Variants in C19orf47 observed in about 807,000 individuals in gnomAD.
C19orf47 encodes the protein uncharacterized protein C19orf47.
Under a neutral mutation model 32.3 loss-of-function variants are expected in C19orf47, and 18 were observed. The observed-to-expected ratio is 0.56, with a 90% confidence interval of 0.39 to 0.83. The LOEUF (loss-of-function observed/expected upper bound fraction) is 0.83, where lower values mean the gene tolerates loss of function less well. Among genes scored for constraint, C19orf47 ranks in the 40% least tolerant of loss-of-function variants. The pLI is 0.00. For synonymous variants in C19orf47, 202 were observed against 211.1 expected (o/e 0.96, Z 0.37); for missense variants, 484 against 531.6 (o/e 0.91, Z 0.88).
intron 8 of C19orf47, 126 bp from the exon 9 acceptor site, chr19:40,322,502 CCA>C (rs2077742118): frequency 8.3e-7 from 1 of 1,205,958 alleles, no homozygotes; most frequent in East Asian, 2.6e-5. Context: ...CACTGACACC[CCA>C]GATAGTGGCG....
the C19orf47 span, among the ~76,000 whole-genome samples, chr19:40,306,445 C>T: frequency 6.6e-6 from 1 of 152,138 alleles, no homozygotes; most frequent in South Asian, 2.1e-4. Flanking sequence ...CTCTGCTGCC[C>T]AGGCTGGAGC....
chr19:40,322,171 G>C lies in C19orf47; in HGVS notation c.869C>G (p.Pro290Arg), dbSNP rs370321945. 1.9e-6 allele frequency: 3 copies of C among 1,612,540 alleles called. No homozygotes were observed. Among genetic ancestry groups the C allele is most frequent in the African/African-American group, 1.3e-5 (1 of 75,048 alleles). Residue 290 changes from proline to arginine, a missense_variant, in exon 9 of 9, where the codon CCG (proline) becomes CGG (arginine). Coordinates refer to ENST00000683109, the MANE Select transcript of C19orf47 (RefSeq NM_001256441.2). ...ATSSATTAAA[P>R]TLRRLALSSR... ...GGAAAGCGCCAGGCGCCGCAGTGTC[G>C]GGGCAGCAGCCGTTGTCGCTGAGCT...
chr19:40,306,507 A>G, the C19orf47 span, among the ~76,000 whole-genome samples: 1 of 150,784 alleles, frequency 6.6e-6, no homozygotes, highest in Non-Finnish European at 1.5e-5. Flanking sequence ...GGTTCAGGCG[A>G]TTCTCCTGCC....
intron 1 of C19orf47, 35 bp downstream of exon 1, chr19:40,348,289 C>T (rs2078370059): frequency 3.8e-6 from 5 of 1,303,382 alleles, no homozygotes; most frequent in Non-Finnish European, 4.9e-6. Context: ...CTACCGCAAC[C>T]GGCCCAGTCC....
At position 40,319,744 on chromosome 19, in the gene C19orf47, G is replaced by C. The variant is rs2077690428; in HGVS notation, c.*2138C>G. On this transcript the variant is annotated 3_prime_UTR_variant, in exon 9 of 9. Coordinates refer to ENST00000683109, the MANE Select transcript of C19orf47 (RefSeq NM_001256441.2). ...GTAGAGACGGGGTTTCACCATCTTG[G>C]CCAGGCTGGTCTCGAACTCCTGACC... 1 of 153,338 alleles carries C rather than the reference G, an allele frequency of 6.5e-6. No homozygotes were observed. The highest frequency in any genetic ancestry group is 2.1e-4 in the South Asian group (1 of 4,816). The allele number at this position is 153,338 out of a possible 1,614,324, so 9.5% of individuals were successfully genotyped here.
chr19:40,329,272 C>T (rs753991295), intron 5 of C19orf47, among the ~76,000 whole-genome samples: 22 of 152,028 alleles, frequency 1.4e-4, no homozygotes, highest in Admixed American at 4.6e-4. Context: ...CTTTGGGAGG[C>T]CTAGGGGGAT....
chr19:40,344,123 T>A (rs1476537736), intron 1 of C19orf47, among the ~76,000 whole-genome samples: 2 of 151,384 alleles, frequency 1.3e-5, no homozygotes, highest in Non-Finnish European at 2.9e-5. Context: ...ACCACAGACA[T>A]CACTCTGTCC....
At chr19:40,302,151 A>G in the C19orf47 span, among the ~76,000 whole-genome samples, 2 of 152,066 alleles carry the variant, frequency 1.3e-5, no homozygotes, top group Non-Finnish European at 2.9e-5. Flanking sequence ...ACAGAACAAG[A>G]CTCCATCTCC....
chr19:40,309,339 C>G, the C19orf47 span, among the ~76,000 whole-genome samples: 3 of 152,128 alleles, frequency 2.0e-5, no homozygotes, highest in South Asian at 6.2e-4. Context: ...CAGGCATGCG[C>G]CACCACTCCT....
chr19:40,322,992 C>G (rs531925187), intron 8 of C19orf47, among the ~76,000 whole-genome samples: 1 of 152,324 alleles, frequency 6.6e-6, no homozygotes, highest in Admixed American at 6.5e-5. Context: ...CCCTGAGGCA[C>G]CAACTTTGAA....
chr19:40,337,554 T>C (rs868292184), intron 2 of C19orf47, among the ~76,000 whole-genome samples: 3 of 152,140 alleles, frequency 2.0e-5, no homozygotes, highest in Admixed American at 1.3e-4. Context: ...CAGTGTGCCA[T>C]AGTTTAATTA....
the C19orf47 span, among the ~76,000 whole-genome samples, chr19:40,304,408 A>G: frequency 6.6e-6 from 1 of 152,282 alleles, no homozygotes; most frequent in East Asian, 1.9e-4. Flanking sequence ...CTCCCCAGGA[A>G]TCTTCTCAAT....
At chr19:40,294,257 G>T in the C19orf47 span, among the ~76,000 whole-genome samples, 1 of 152,188 alleles carries the variant, frequency 6.6e-6, no homozygotes, top group African/African-American at 2.4e-5. Flanking sequence ...ACTGGCCACA[G>T]ATAAGATTTC....
intron 6 of C19orf47, among the ~76,000 whole-genome samples, chr19:40,327,716 C>G (rs1358933697): frequency 6.6e-6 from 1 of 152,096 alleles, no homozygotes; most frequent in Non-Finnish European, 1.5e-5. Context: ...TGACTGCAGG[C>G]CCATTCCCAG....
chr19:40,302,284 A>C, the C19orf47 span, among the ~76,000 whole-genome samples: 1 of 152,166 alleles, frequency 6.6e-6, no homozygotes, highest in Admixed American at 6.5e-5. Context: ...TTTTTCCTTG[A>C]AACAGGGTCT....
At chr19:40,303,340 G>A in the C19orf47 span, among the ~76,000 whole-genome samples, 2 of 150,956 alleles carry the variant, frequency 1.3e-5, no homozygotes, top group African/African-American at 2.4e-5. Context: ...TGGCTAACAC[G>A]GTGAAACCCC....
At chr19:40,340,812 CTACAAAAAA>C (rs2078162064) in intron 2 of C19orf47, among the ~76,000 whole-genome samples, 1 of 151,614 alleles carries the variant, frequency 6.6e-6, no homozygotes, top group Non-Finnish European at 1.5e-5. Context: ...AACCCCATCT[CTACAAAAAA>C]TACAAAAATT....
the C19orf47 span, among the ~76,000 whole-genome samples, chr19:40,305,399 C>T: frequency 6.6e-6 from 1 of 151,618 alleles, no homozygotes; most frequent in Non-Finnish European, 1.5e-5. Context: ...CAGCCTCCCA[C>T]ATTACTAAGA....
intron 7 of C19orf47, 124 bp downstream of exon 7, chr19:40,326,210 C>T (rs868634864): frequency 3.9e-5 from 53 of 1,348,004 alleles, no homozygotes; most frequent in African/African-American, 7.3e-5. Context: ...CCTTGGCCTA[C>T]GGCTCCTGCA....
Sources: gnomAD v4.1 joint callset for allele counts (sites outside exome capture counted in the v4.1 genomes callset) on GRCh38, gnomAD v4.1.1 for gene constraint, MANE v1.5 for transcripts, NCBI Gene and HGNC (gene_info 2026-07-23, HGNC 2026-07-21) for gene names.